The following RAPGEF3 variants were observed in gnomAD, a reference collection of about 807,000 sequenced individuals.
RAPGEF3 encodes Rap guanine nucleotide exchange factor 3.
A neutral mutation model predicts 129.8 loss-of-function variants in RAPGEF3; 103 were observed. That is an observed-to-expected ratio of 0.79 (90% CI 0.68 to 0.93). RAPGEF3 has a LOEUF of 0.93. Among genes scored for constraint, RAPGEF3 ranks in the 40% least tolerant of loss-of-function variants. The pLI is 0.00. For synonymous variants in RAPGEF3, 436 were observed against 482.6 expected (o/e 0.90, Z 1.26); for missense variants, 1,117 against 1,207.4 (o/e 0.93, Z 1.11).
In RAPGEF3 at chr12:47,740,134, C is replaced by G. The variant is rs376030514; in HGVS notation, c.2373+7G>C. On this transcript the variant is annotated splice_region_variant and intron_variant, in intron 23 of 27. Coordinates refer to ENST00000449771, the MANE Select transcript of RAPGEF3 (RefSeq NM_001098531.4). ...CAGAGCCAGGCCGGGCAGGGTGGAG[C>G]ACTCACCAGCAGCCTCTCGAGGGCG... is the stretch of plus-strand genomic sequence containing the variant. 6.2e-7 allele frequency: 1 copy of G among 1,611,726 alleles called. No homozygotes were observed.
chr12:47,737,755 G>T, intron 27 of RAPGEF3, 70 bp from the exon 28 acceptor site: 3 of 1,411,914 alleles, frequency 2.1e-6, no homozygotes, highest in Admixed American at 3.5e-5. Flanking sequence ...CCTCCAAGGA[G>T]CCATATCACA....
chr12:47,753,741 G>A (rs1363265164), intron 2 of RAPGEF3, among the ~76,000 whole-genome samples: 3 of 152,206 alleles, frequency 2.0e-5, no homozygotes, highest in African/African-American at 7.2e-5. Flanking sequence ...ATATCAAAAT[G>A]CCCAGGTGGC....
chr12:47,748,029 C>T (rs1442251363), intron 13 of RAPGEF3, 45 bp downstream of exon 13: 1 of 1,548,040 alleles, frequency 6.5e-7, no homozygotes, highest in Non-Finnish European at 8.8e-7. Flanking sequence ...CCCCACGCAC[C>T]ATCCTATCCC....
chr12:47,756,506 C>A (rs1220624694), intron 2 of RAPGEF3: 1 of 152,278 alleles, frequency 6.6e-6, no homozygotes, highest in East Asian at 1.9e-4. Context: ...AACAGCTCTA[C>A]CAGGACTGAC....
Position 47,738,014 on chromosome 12 carries a change from C to G in RAPGEF3, c.2653+8G>C. The G allele has an allele frequency of 6.2e-7, 1 of 1,613,194 alleles. No homozygotes were observed. Among genetic ancestry groups the G allele is most frequent in the Non-Finnish European group, 8.5e-7 (1 of 1,179,374 alleles). On this transcript the variant is annotated splice_region_variant and intron_variant, in intron 27 of 27. Coordinates refer to ENST00000449771, the MANE Select transcript of RAPGEF3 (RefSeq NM_001098531.4). ...CTCCCTGCCCACCCACCATCGCCCA[C>G]CACTTACATGTGGAAATCCTCGCCA...
chr12:47,750,654 G>A (rs1362717167), intron 6 of RAPGEF3, among the ~76,000 whole-genome samples: 2 of 152,196 alleles, frequency 1.3e-5, no homozygotes, highest in Non-Finnish European at 2.9e-5. Flanking sequence ...ATCCTCACTT[G>A]ACAGAACAGG....
At chr12:47,746,327 G>C (rs989230965) in intron 16 of RAPGEF3, 1 of 337,976 alleles carries the variant, frequency 3.0e-6, no homozygotes, top group Non-Finnish European at 5.4e-6. Context: ...TCCCAGTGCA[G>C]CCCTCCCCAC....
rs1941652585 is a variant in RAPGEF3 at position 47,750,006 on chromosome 12, A to G, written c.757-16T>C. The stretch of plus-strand genomic sequence containing the variant: ...CTCGCTTCACCTGTGTGGTGGAGAT[A>G]GGAGAGTCGGTGGCGACAAGTTCAT... On this transcript the variant is annotated splice_polypyrimidine_tract_variant and intron_variant, in intron 7 of 27. Transcript: ENST00000449771. 2.5e-6 allele frequency: 4 copies of G among 1,614,188 alleles called. No homozygotes were observed. The highest frequency in any genetic ancestry group is 4.5e-5 in the East Asian group (2 of 44,886).
chr12:47,750,298 A>G (rs1385861288), intron 7 of RAPGEF3, 43 bp downstream of exon 7: 1 of 1,562,828 alleles, frequency 6.4e-7, no homozygotes, highest in Non-Finnish European at 8.8e-7. Flanking sequence ...ACAGGAAGAG[A>G]AGATGCCTGG....
intron 27 of RAPGEF3, 123 bp from the exon 28 acceptor site, chr12:47,737,808 A>G (rs1298565125): frequency 7.1e-6 from 8 of 1,126,446 alleles, no homozygotes; most frequent in Non-Finnish European, 7.9e-6. Flanking sequence ...ACTTCCCATC[A>G]CCAATTCCTA....
intron 2 of RAPGEF3, among the ~76,000 whole-genome samples, chr12:47,755,024 G>T (rs1941969047): frequency 6.6e-6 from 1 of 152,250 alleles, no homozygotes; most frequent in African/African-American, 2.4e-5. Context: ...CATAGCTAAG[G>T]TGTCAAGCTA....
chr12:47,748,547 C>T lies in RAPGEF3; in HGVS notation c.1155-5G>A. 2 of 1,611,708 alleles carry T rather than the reference C, an allele frequency of 1.2e-6. No homozygotes were observed. The highest frequency in any genetic ancestry group is 1.7e-6 in the Non-Finnish European group (2 of 1,178,288). ...GTGCCAGACATCACTGTATACCTAGCAGAAATGGCCAATCTTTGGCACTGG... is the reference window on the plus strand; with the variant it reads ...GTGCCAGACATCACTGTATACCTAGTAGAAATGGCCAATCTTTGGCACTGG... On this transcript the variant is annotated splice_polypyrimidine_tract_variant and splice_region_variant and intron_variant, in intron 11 of 27. Coordinates refer to ENST00000449771, the MANE Select transcript of RAPGEF3 (RefSeq NM_001098531.4).
At chr12:47,750,018 G>A in intron 7 of RAPGEF3, 28 bp from the exon 8 acceptor site, 2 of 1,614,060 alleles carry the variant, frequency 1.2e-6, no homozygotes, top group Non-Finnish European at 8.5e-7. Context: ...GAGAGTCGGT[G>A]GCGACAAGTT....
intron 20 of RAPGEF3, 33 bp from the exon 21 acceptor site, chr12:47,740,856 G>A: frequency 2.5e-6 from 4 of 1,613,484 alleles, no homozygotes; most frequent in Non-Finnish European, 3.4e-6. Flanking sequence ...GTCAGCGAGT[G>A]CTGAGCCGAG....
chr12:47,740,315 T>C lies in RAPGEF3; in HGVS notation c.2312A>G (p.His771Arg). ...LSNSAISRLA[H>R]TWERLPHKVR... is the part of the protein sequence containing the mutation. ...CCAGACCACACTTACCTCCCAGGTG[T>C]GGGCTAGGCGGCTGATGGCCGAGTT... is the stretch of plus-strand genomic sequence containing the variant. The change falls in exon 22 of 28, where the codon CAC (histidine) becomes CGC (arginine). Residue 771 changes from histidine to arginine, a missense_variant. His to Arg is a conservative substitution (Grantham distance 29, BLOSUM62 0). Coordinates refer to ENST00000449771, the MANE Select transcript of RAPGEF3 (RefSeq NM_001098531.4). 6.2e-7 allele frequency: 1 copy of C among 1,614,026 alleles called. No homozygotes were observed. The highest frequency in any genetic ancestry group is 1.1e-5 in the South Asian group (1 of 91,086).
In RAPGEF3 at chr12:47,748,817, A is replaced by G. The variant is rs139519876; in HGVS notation, c.1154+2T>C. On this transcript the variant is annotated splice_donor_variant, in intron 11 of 27. Transcript: ENST00000449771. LOFTEE classifies it high-confidence loss of function. ...GGAGAGGGAGCATGGCAGGTGTATTACCGGTTCCTGCCTGGGGTTGGGGGT... is the reference window on the plus strand; with the variant it reads ...GGAGAGGGAGCATGGCAGGTGTATTGCCGGTTCCTGCCTGGGGTTGGGGGT... 6 of 1,587,298 alleles carry G rather than the reference A, an allele frequency of 3.8e-6. No individual in the cohort carries two copies. Among genetic ancestry groups the G allele is most frequent in the Non-Finnish European group, 5.2e-6 (6 of 1,155,602 alleles).
chr12:47,749,378 C>T lies in RAPGEF3; in HGVS notation c.1041+12G>A, dbSNP rs763657830. 5.6e-6 allele frequency: 9 copies of T among 1,611,218 alleles called. No individual in the cohort carries two copies. The highest frequency in any genetic ancestry group is 7.6e-6 in the Non-Finnish European group (9 of 1,179,994). ...GAATGGCCCCTGCCCTCCCCAACCC[C>T]AGCAGCAGCACCTTGATGATACGGT... On this transcript the variant is annotated intron_variant, in intron 10 of 27. Coordinates refer to ENST00000449771, the MANE Select transcript of RAPGEF3 (RefSeq NM_001098531.4). This position sits in a 1 kb window ranked among gnomAD's most constrained non-coding sequence, Gnocchi z 4.5.
chr12:47,751,766 GGCAGGTGGCCA>G lies in RAPGEF3; in HGVS notation c.326_336del (p.Leu109ProfsTer12), dbSNP rs769769333. The G allele has an allele frequency of 1.6e-5, 26 of 1,613,826 alleles. No individual in the cohort carries two copies. In the South Asian group the frequency reaches 2.7e-4, roughly 17 times the overall value. On this transcript the variant is annotated frameshift_variant, in exon 4 of 28. Transcript: ENST00000449771. LOFTEE classifies it high-confidence loss of function. ...TACTTCCGGTCTCGGATGAGGTTTGGGCAGGTGGCCAGCAGATGCCGATGCAGCTGCCTCCC... is the reference window on the plus strand; with the variant it reads ...TACTTCCGGTCTCGGATGAGGTTTGGGCAGATGCCGATGCAGCTGCCTCCC...
Position 47,751,076 on chromosome 12 carries a change from C to T in RAPGEF3, c.643G>A (p.Ala215Thr), listed in dbSNP as rs374949026. 5 of 1,596,028 alleles carry T rather than the reference C, an allele frequency of 3.1e-6. No homozygotes were observed. Among genetic ancestry groups the T allele is most frequent in the South Asian group, 1.1e-5 (1 of 87,430 alleles). ...VALLSQRGPD[A>T]LLTVALRKPP... ...TTTCGAAGTGCCACAGTGAGCAGGG[C>T]GTCAGGCCCCCGCTGGGAGAGCAGG... is the stretch of plus-strand genomic sequence containing the variant. The change falls in exon 6 of 28, where the codon GCC becomes ACC. Residue 215 changes from alanine to threonine, a missense_variant. Ala to Thr is a moderately conservative substitution (Grantham distance 58). Around this residue, in one of 3 missense-constraint regions of RAPGEF3, gnomAD observed 367 missense variants for 373.4 expected, o/e 0.98. Transcript: ENST00000449771.
Sources: gnomAD v4.1 joint callset for allele counts (sites outside exome capture counted in the v4.1 genomes callset) on GRCh38, gnomAD v4.1.1 for gene constraint, gnomAD v4.1.1 regional missense constraint, Gnocchi (gnomAD v3.1) non-coding constraint, MANE v1.5 for transcripts, NCBI Gene and HGNC (gene_info 2026-07-23, HGNC 2026-07-21) for gene names.